CD101: variants seen among roughly 807,000 people sequenced by gnomAD.
The protein encoded by CD101 is immunoglobulin superfamily member 2.
Under a neutral mutation model 98.2 loss-of-function variants are expected in CD101, and 76 were observed. That is an observed-to-expected ratio of 0.77 (90% CI 0.64 to 0.94). The LOEUF is 0.94. Among genes scored for constraint, CD101 ranks in the 40% least tolerant of loss-of-function variants. The probability of loss-of-function intolerance (pLI) is 0.00; values close to 1 mark genes in which losing one functional copy is unlikely to be tolerated. For missense variants in CD101, 1,145 were observed against 1,218.8 expected (o/e 0.94, Z 0.90); for synonymous variants, 471 against 472.7 (o/e 1.00, Z 0.05).
chr1:117,026,090 G>C, intron 8 of CD101, 186 bp downstream of exon 8: 1 of 584,602 alleles, frequency 1.7e-6, no homozygotes, highest in Non-Finnish European at 2.9e-6. Context: ...GAACAAACAA[G>C]GTCCACATGA....
Position 117,034,104 on chromosome 1 carries a change from C to A in CD101, c.*3C>A, listed in dbSNP as rs112438489. 1.1e-5 allele frequency: 18 copies of A among 1,613,814 alleles called. No individual in the cohort carries two copies. The highest frequency in any genetic ancestry group is 1.7e-5 in the Admixed American group (1 of 59,992). ...AGGAGGAAGATGAAGGCAACTGAATCCCAAGAGGCACCTGCAGCCAGGAAG... is the reference window on the plus strand; with the variant it reads ...AGGAGGAAGATGAAGGCAACTGAATACCAAGAGGCACCTGCAGCCAGGAAG... On this transcript the variant is annotated 3_prime_UTR_variant, in exon 9 of 10. Coordinates refer to ENST00000682167, the MANE Select transcript of CD101 (RefSeq NM_001256106.3).
In CD101 at chr1:117,012,496, G is replaced by A. The variant is rs992442885; in HGVS notation, c.841+530G>A. ...GTTTCCAACATGAAGCCTTGTCTTCGTCAGTGCTGGGGTTTCCTTCCACCT... is the reference window on the plus strand; with the variant it reads ...GTTTCCAACATGAAGCCTTGTCTTCATCAGTGCTGGGGTTTCCTTCCACCT... On this transcript the variant is annotated intron_variant, in intron 3 of 9. Transcript: ENST00000682167. This position sits in a 1 kb window ranked among gnomAD's most constrained non-coding sequence, Gnocchi z 4.0. Among the ~76,000 whole-genome samples the A allele has an allele frequency of 6.6e-6, 1 of 152,220 alleles. No individual in the cohort carries two copies. The highest frequency in any genetic ancestry group is 6.5e-5 in the Admixed American group (1 of 15,286).
At chr1:117,002,506 G>C (rs897374989) in intron 1 of CD101, among the ~76,000 whole-genome samples, 2 of 152,202 alleles carry the variant, frequency 1.3e-5, no homozygotes, top group Non-Finnish European at 2.9e-5. Context: ...GGGAGAGTCA[G>C]ATGAGTTGAG....
chr1:117,022,044 C>T lies in CD101; in HGVS notation c.2428+61C>T, dbSNP rs565217540. ...TGTCTGACGGCTGTTTTCTCTTGGG[C>T]AGCTGTTCTATGGAGTGATTATGTG... is the stretch of plus-strand genomic sequence containing the variant. On this transcript the variant is annotated intron_variant, in intron 7 of 9. Transcript: ENST00000682167. The surrounding 1 kb of genome is among the most constrained non-coding windows in gnomAD (Gnocchi z 4.8). 159 of 1,525,552 alleles carry T rather than the reference C, an allele frequency of 1.0e-4. No homozygotes were observed. In the South Asian group the frequency reaches 1.9e-3, roughly 18 times the overall value. 94.5% of individuals were successfully genotyped at this position (1,525,552 alleles called of 1,614,324 possible). A position where few individuals can be genotyped will look rare whatever the true frequency, so the allele number is the denominator to read the frequency against.
In CD101 at chr1:117,013,648, C is replaced by T; in HGVS notation, c.1084C>T (p.Leu362Phe). Reference protein sequence around the residue: ...VSKLGPKAFSLKIFSLGPEDE... With the variant: ...VSKLGPKAFSFKIFSLGPEDE... ...AAAGTTAGGCCCCAAGGCTTTCTCTCTCAAGATCTTCTCTCTGGGCCCAGA... is the reference window on the plus strand; with the variant it reads ...AAAGTTAGGCCCCAAGGCTTTCTCTTTCAAGATCTTCTCTCTGGGCCCAGA... The change falls in exon 4 of 10, where the codon CTC becomes TTC. Residue 362 changes from leucine (L) to phenylalanine (F), a missense_variant. Coordinates refer to ENST00000682167, the MANE Select transcript of CD101 (RefSeq NM_001256106.3). The T allele has an allele frequency of 6.2e-7, 1 of 1,614,152 alleles. No homozygotes were observed. The highest frequency in any genetic ancestry group is 8.5e-7 in the Non-Finnish European group (1 of 1,180,032).
Position 117,018,225 on chromosome 1 carries a change from C to T in CD101, c.1682C>T (p.Ser561Phe). The T allele has an allele frequency of 1.2e-6, 2 of 1,614,148 alleles. No homozygotes were observed. Among genetic ancestry groups the T allele is most frequent in the Non-Finnish European group, 1.7e-6 (2 of 1,180,016 alleles). The stretch of plus-strand genomic sequence containing the variant: ...ATGTTAACCAACACCTTTGACCTGT[C>T]CTGTGTCGTGAGGGCCGGTTACTCT... ...QVMLTNTFDL[S>F]CVVRAGYSDL... Residue 561 changes from serine to phenylalanine, a missense_variant, in exon 6 of 10, where the codon TCC becomes TTC. By Grantham distance (155) the Ser-to-Phe change is radical. Transcript: ENST00000682167. This position sits in a 1 kb window ranked among gnomAD's most constrained non-coding sequence, Gnocchi z 4.3.
chr1:117,029,222 AAAGAAAGAAAG>A (rs1182241220), intron 8 of CD101, among the ~76,000 whole-genome samples: 2,170 of 51,724 alleles, frequency 0.042, 109 homozygotes, highest in South Asian at 0.084. Flanking sequence ...GAAAAGAAAG[AAAGAAAGAAAG>A]AAAGAAAGAA....
intron 4 of CD101, among the ~76,000 whole-genome samples, chr1:117,016,448 A>G (rs1363755108): frequency 7.9e-5 from 12 of 152,142 alleles, no homozygotes. Flanking sequence ...TATTAGTTTC[A>G]GGCTCTTATA....
At chr1:117,024,370 G>A (rs186521154) in intron 7 of CD101, among the ~76,000 whole-genome samples, 4 of 152,270 alleles carry the variant, frequency 2.6e-5, no homozygotes, top group Admixed American at 1.3e-4. Context: ...CCAACTGCTC[G>A]GGAGGCTGAG....
chr1:117,016,551 T>C (rs1189611792), intron 4 of CD101, among the ~76,000 whole-genome samples: 2 of 152,060 alleles, frequency 1.3e-5, no homozygotes, highest in African/African-American at 2.4e-5. Context: ...ATAAGAAATA[T>C]GTGCAAGTGA....
chr1:117,033,806 C>G lies in CD101; in HGVS notation c.2825-54C>G. On this transcript the variant is annotated intron_variant, in intron 8 of 9. Coordinates refer to ENST00000682167, the MANE Select transcript of CD101 (RefSeq NM_001256106.3). The surrounding 1 kb of genome is among the most constrained non-coding windows in gnomAD (Gnocchi z 4.8). ...AAATCCCAGGAGTGTTTGTAATTGA[C>G]TAGTACAAATAAGTTGGAGATGAAT... 6.2e-7 allele frequency: 1 copy of G among 1,608,316 alleles called. No homozygotes were observed. The highest frequency in any genetic ancestry group is 8.5e-7 in the Non-Finnish European group (1 of 1,176,410).
intron 8 of CD101, among the ~76,000 whole-genome samples, chr1:117,027,642 G>A (rs1654026154): frequency 6.6e-6 from 1 of 152,308 alleles, no homozygotes; most frequent in South Asian, 2.1e-4. Flanking sequence ...AGTGAGGAGG[G>A]AAAGGAACAG....
chr1:117,028,000 G>A (rs377206137), intron 8 of CD101, among the ~76,000 whole-genome samples: 3 of 152,086 alleles, frequency 2.0e-5, no homozygotes, highest in Admixed American at 6.6e-5. Flanking sequence ...CAGGAGAATC[G>A]CTTGAACCCA....
intron 8 of CD101, among the ~76,000 whole-genome samples, chr1:117,030,748 T>A (rs942861777): frequency 6.6e-6 from 1 of 152,260 alleles, no homozygotes; most frequent in African/African-American, 2.4e-5. Context: ...CTTACCCTAC[T>A]TTTATTTCTT....
rs1296850920 is a variant in CD101, at chr1:117,020,590, C to CTAAATGTGG, written c.2018-983_2018-982insTAAATGTGG. Among the ~76,000 whole-genome samples the CTAAATGTGG allele has an allele frequency of 2.0e-5, 3 of 152,314 alleles. No homozygotes were observed. The East Asian group carries it at 5.8e-4, about 29-fold the overall frequency. ...AATCTCACACTTGAGAAAGGTTTCT[C>CTAAATGTGG]AAGAGTTATTTCAGCTGCACATTCT... On this transcript the variant is annotated intron_variant, in intron 6 of 9. Coordinates refer to ENST00000682167, the MANE Select transcript of CD101 (RefSeq NM_001256106.3).
At position 117,018,516 on chromosome 1, in the gene CD101, C is replaced by T. The variant is rs750377917; in HGVS notation, c.1973C>T (p.Ala658Val). Residue 658 changes from alanine to valine, a missense_variant, in exon 6 of 10, where the codon GCT (alanine) becomes GTT (valine). Ala to Val is a moderately conservative substitution (Grantham distance 64). Transcript: ENST00000682167. The surrounding 1 kb of genome is among the most constrained non-coding windows in gnomAD (Gnocchi z 4.3). ...CTATACAACAACCGCCCCCCGAGGG[C>T]TTCTGCCATCTCTCACCCACTGAGG... ...NSLYNNRPPR[A>V]SAISHPLRIA... 7 of 1,611,006 alleles carry T rather than the reference C, an allele frequency of 4.3e-6. No individual in the cohort carries two copies. The Admixed American group carries it at 1.0e-4, about 23-fold the overall frequency.
chr1:117,015,751 C>A (rs1187675062), intron 4 of CD101, among the ~76,000 whole-genome samples: 2 of 152,208 alleles, frequency 1.3e-5, no homozygotes, highest in Admixed American at 6.5e-5. Flanking sequence ...CCCTAGCCAT[C>A]CAGGCTAAGC....
intron 8 of CD101, among the ~76,000 whole-genome samples, chr1:117,029,997 C>CT (rs1190509845): frequency 6.6e-6 from 1 of 152,210 alleles, no homozygotes; most frequent in Non-Finnish European, 1.5e-5. Context: ...AGAGAATTGT[C>CT]TGTGATTAAT....
At position 117,010,288 on chromosome 1, in the gene CD101, G is replaced by A; in HGVS notation, c.424+58G>A. 1.3e-6 allele frequency: 2 copies of A among 1,536,268 alleles called. No individual in the cohort carries two copies. Among genetic ancestry groups the A allele is most frequent in the South Asian group, 2.5e-5 (2 of 80,914 alleles). ...CCTGAGAAGCCAGAGTCTCCACCAT[G>A]ACAATATCTTGCAATATGACATGGC... is the stretch of plus-strand genomic sequence containing the variant. On this transcript the variant is annotated intron_variant, in intron 2 of 9. Transcript: ENST00000682167. The surrounding 1 kb of genome is among the most constrained non-coding windows in gnomAD (Gnocchi z 5.2).
Sources: allele counts gnomAD v4.1 joint callset (sites outside exome capture counted in the v4.1 genomes callset), GRCh38; gene constraint gnomAD v4.1.1; non-coding constraint Gnocchi (gnomAD v3.1); transcripts MANE v1.5; gene names NCBI Gene and HGNC (gene_info 2026-07-23, HGNC 2026-07-21).